Variants in TOP1MT observed in about 807,000 individuals in gnomAD.
The protein encoded by TOP1MT is DNA topoisomerase I, mitochondrial.
TOP1MT carries 80 observed loss-of-function variants against 73.9 expected under a neutral mutation model. The ratio of observed to expected loss-of-function variants is 1.08; its 90% CI spans 0.90 to 1.30. TOP1MT has a LOEUF of 1.30. Among genes scored for constraint, TOP1MT ranks in the 50% most tolerant of loss-of-function variants. The pLI is 0.00. For missense variants in TOP1MT, 815 were observed against 808.0 expected, an observed-to-expected ratio of 1.01 and a Z score of -0.10; for synonymous variants, 338 against 326.4, an observed-to-expected ratio of 1.04 and a Z score of -0.38.
At chr8:143,320,124 G>A (rs1816288766) in intron 8 of TOP1MT, among the ~76,000 whole-genome samples, 1 of 151,160 alleles carries the variant, frequency 6.6e-6, no homozygotes, top group Non-Finnish European at 1.5e-5. Context: ...ACACCGTCTT[G>A]AAAAAAGAAA....
Position 143,329,475 on chromosome 8 carries a change from C to T in TOP1MT, c.239-4G>A. ...ACGCTCAATCTCACAGGCCTTCCTG[C>T]AGGCATCGGAAGACACATCGTATGA... On this transcript the variant is annotated splice_region_variant and splice_polypyrimidine_tract_variant and intron_variant, in intron 2 of 13. Transcript: ENST00000329245. 1 of 1,607,700 alleles carries T rather than the reference C, an allele frequency of 6.2e-7. No homozygotes were observed.
Position 143,323,985 on chromosome 8 carries a change from A to G in TOP1MT, c.960+14T>C, listed in dbSNP as rs1816631570. 1 of 1,611,486 alleles carries G rather than the reference A, an allele frequency of 6.2e-7. No homozygotes were observed. The highest frequency in any genetic ancestry group is 1.3e-5 in the African/African-American group (1 of 74,984). On this transcript the variant is annotated intron_variant, in intron 7 of 13. Coordinates refer to ENST00000329245, the MANE Select transcript of TOP1MT (RefSeq NM_052963.3). ...CAGGATGAAGAGCCGCCAGGAAGCG[A>G]GAAGGCCGCATACCTTATCGATGAA...
exon 2 of TOP1MT, chr8:143,343,277 C>G (rs1817164251): frequency 2.2e-6 from 1 of 456,146 alleles, no homozygotes; most frequent in African/African-American, 2.0e-5. Flanking sequence ...GCGTGGTGAT[C>G]TGTGCAAATC....
At chr8:143,330,023 G>A (rs1295006700) in intron 2 of TOP1MT, among the ~76,000 whole-genome samples, 2 of 152,150 alleles carry the variant, frequency 1.3e-5, no homozygotes, top group African/African-American at 4.8e-5. Context: ...TCTTTCAACT[G>A]CACGTCTGAA....
chr8:143,316,146 A>G lies in TOP1MT; in HGVS notation c.1331-20T>C. 3 of 1,613,940 alleles carry G rather than the reference A, an allele frequency of 1.9e-6. No homozygotes were observed. Among genetic ancestry groups the G allele is most frequent in the Non-Finnish European group, 2.5e-6 (3 of 1,179,956 alleles). On this transcript the variant is annotated intron_variant, in intron 10 of 13. Coordinates refer to ENST00000329245, the MANE Select transcript of TOP1MT (RefSeq NM_052963.3). ...CCTCGGCTGAGAGGCACGGGCTGTC[A>G]GAGGCAGCACCCACGGGGCCGGCCA... is the stretch of plus-strand genomic sequence containing the variant.
At chr8:143,321,133 G>A (rs1446968542) in intron 8 of TOP1MT, 68 bp downstream of exon 8, 11 of 1,466,874 alleles carry the variant, frequency 7.5e-6, no homozygotes, top group Non-Finnish European at 1.0e-5. Context: ...GGCAGCTCCG[G>A]CACGCCCCCA....
At chr8:143,327,869 C>T (rs930342925) in intron 3 of TOP1MT, 9 of 350,036 alleles carry the variant, frequency 2.6e-5, no homozygotes, top group African/African-American at 1.7e-4. Context: ...ACACGAGCCT[C>T]GGCCTCTACC....
At chr8:143,338,829 G>A (rs1817025863), upstream of TOP1MT, among the ~76,000 whole-genome samples, 1 of 152,186 alleles carries the variant, frequency 6.6e-6, no homozygotes, top group South Asian at 2.1e-4. Context: ...CAGACCAGAA[G>A]GGGTTTCTAT....
upstream of TOP1MT, among the ~76,000 whole-genome samples, chr8:143,356,663 G>T (rs1311512058): frequency 6.6e-6 from 1 of 151,328 alleles, no homozygotes; most frequent in Non-Finnish European, 1.5e-5. Context: ...GTATGCACCT[G>T]TAGTCCCAGC....
Position 143,341,561 on chromosome 8 carries a change from T to C in TOP1MT, c.29+1659A>G, listed in dbSNP as rs535036035. The stretch of plus-strand genomic sequence containing the variant: ...CCACCCCAGCAATGGCTGCCCTCCA[T>C]GGGCCTAACAGATGCTTTTAACTCA... On this transcript the variant is annotated intron_variant, in intron 2 of 5. Transcript: ENST00000518007. This position sits in a 1 kb window ranked among gnomAD's most constrained non-coding sequence, Gnocchi z 4.1. Among the ~76,000 whole-genome samples, 3 of 152,344 alleles carry C rather than the reference T, an allele frequency of 2.0e-5. No homozygotes were observed. Among genetic ancestry groups the C allele is most frequent in the East Asian group, 3.9e-4 (2 of 5,182 alleles).
chr8:143,327,920 CA>C, intron 3 of TOP1MT: 1 of 330,698 alleles, frequency 3.0e-6, no homozygotes, highest in Non-Finnish European at 5.9e-6. Flanking sequence ...CCACCTAAAC[CA>C]AGCTGACCTC....
At chr8:143,329,202 AG>A (rs1295818952) in intron 3 of TOP1MT, 147 bp downstream of exon 3, 6 of 873,460 alleles carry the variant, frequency 6.9e-6, no homozygotes, top group Non-Finnish European at 1.0e-5. Flanking sequence ...AGGAGCTCGA[AG>A]CTGCAAAGAG....
chr8:143,321,783 C>CCA (rs1170726668), intron 7 of TOP1MT, among the ~76,000 whole-genome samples: 3 of 81,882 alleles, frequency 3.7e-5, no homozygotes, highest in Admixed American at 1.3e-4. Context: ...CACACGCACG[C>CCA]CACACACGCA....
intron 8 of TOP1MT, among the ~76,000 whole-genome samples, chr8:143,320,362 C>T (rs1222228407): frequency 6.6e-6 from 1 of 152,092 alleles, no homozygotes; most frequent in Non-Finnish European, 1.5e-5. Context: ...GATCTCCTGA[C>T]CTCGTGATCC....
intron 1 of TOP1MT, chr8:143,350,264 G>A (rs1817298525): frequency 6.6e-6 from 1 of 152,110 alleles, no homozygotes; most frequent in South Asian, 2.1e-4. Context: ...AATTCATCAC[G>A]CTCTCCACAA....
chr8:143,332,064 G>C (rs1018449741), intron 1 of TOP1MT, among the ~76,000 whole-genome samples: 1 of 151,898 alleles, frequency 6.6e-6, no homozygotes, highest in African/African-American at 2.4e-5. Context: ...GATTGGGGGG[G>C]TGTTGGAGGG....
chr8:143,318,118 G>GA (rs754013699), intron 8 of TOP1MT, 32 bp from the exon 9 acceptor site: 31 of 1,604,720 alleles, frequency 1.9e-5, no homozygotes, highest in Non-Finnish European at 2.5e-5. Flanking sequence ...TCAGAGGACA[G>GA]AAAAAACCCG....
chr8:143,315,896 C>T, intron 11 of TOP1MT, 75 bp from the exon 12 acceptor site: 2 of 1,605,384 alleles, frequency 1.2e-6, no homozygotes, highest in Non-Finnish European at 1.7e-6. Flanking sequence ...CCTTCCACAC[C>T]CTACGTGCCC....
At chr8:143,319,618 G>A (rs961930516) in intron 8 of TOP1MT, among the ~76,000 whole-genome samples, 2 of 150,652 alleles carry the variant, frequency 1.3e-5, no homozygotes, top group African/African-American at 4.9e-5. Context: ...CTTCAAGCCA[G>A]TCTGGAGACC....
Sources: allele counts gnomAD v4.1 joint callset (sites outside exome capture counted in the v4.1 genomes callset), GRCh38; gene constraint gnomAD v4.1.1; non-coding constraint Gnocchi (gnomAD v3.1); transcripts MANE v1.5; gene names NCBI Gene and HGNC (gene_info 2026-07-23, HGNC 2026-07-21).